The following C12orf42 variants were observed in gnomAD, a reference collection of about 807,000 sequenced individuals.
The protein encoded by C12orf42 is uncharacterized protein C12orf42.
C12orf42 carries 25 observed loss-of-function variants against 21.6 expected under a neutral mutation model. That is an observed-to-expected ratio of 1.16 (90% CI 0.84 to 1.62). The LOEUF (loss-of-function observed/expected upper bound fraction) is 1.62. C12orf42 is among the 40% of genes most tolerant of loss of function. The probability of loss-of-function intolerance (pLI) is 0.00; values close to 1 mark genes in which losing one functional copy is unlikely to be tolerated. For missense variants in C12orf42, 483 were observed against 459.3 expected, an observed-to-expected ratio of 1.05 and a Z score of -0.47; for synonymous variants, 174 against 175.0, an observed-to-expected ratio of 0.99 and a Z score of 0.05.
chr12:103,317,160 T>C (rs1256622045), intron 4 of C12orf42, among the ~76,000 whole-genome samples: 2 of 152,218 alleles, frequency 1.3e-5, no homozygotes, highest in Non-Finnish European at 2.9e-5. Context: ...ATATCTGCCA[T>C]GGATGTGGGA....
intron 4 of C12orf42, among the ~76,000 whole-genome samples, chr12:103,358,184 T>C (rs188967918): frequency 2.0e-3 from 301 of 152,254 alleles, no homozygotes; most frequent in Non-Finnish European, 3.6e-3. Context: ...GTAATATGTT[T>C]TAATGTTTCA....
intron 2 of C12orf42, among the ~76,000 whole-genome samples, chr12:103,426,286 A>T (rs1346232016): frequency 6.6e-6 from 1 of 152,264 alleles, no homozygotes; most frequent in Non-Finnish European, 1.5e-5. Flanking sequence ...CAGAGCTGAA[A>T]AACACAGCAC....
chr12:103,121,384 G>A, the C12orf42 span, among the ~76,000 whole-genome samples: 6 of 152,160 alleles, frequency 3.9e-5, no homozygotes, highest in Non-Finnish European at 1.5e-5. Context: ...CTTTCCTTGG[G>A]GCTTTGGAGT....
At chr12:103,149,933 G>T in the C12orf42 span, among the ~76,000 whole-genome samples, 1 of 151,846 alleles carries the variant, frequency 6.6e-6, no homozygotes. Flanking sequence ...AGTAAGTCTG[G>T]GAATGTTATA....
chr12:103,224,624 A>G, the C12orf42 span, among the ~76,000 whole-genome samples: 1 of 152,234 alleles, frequency 6.6e-6, no homozygotes, highest in Non-Finnish European at 1.5e-5. Context: ...AGTACAGCTG[A>G]AGGAGCCGGG....
intron 4 of C12orf42, among the ~76,000 whole-genome samples, chr12:103,366,734 A>C (rs907611994): frequency 3.3e-5 from 5 of 152,130 alleles, no homozygotes; most frequent in Non-Finnish European, 5.9e-5. Flanking sequence ...TAATCAGGGA[A>C]ATCCAAATCA....
the C12orf42 span, among the ~76,000 whole-genome samples, chr12:103,167,681 T>C: frequency 6.6e-6 from 1 of 152,192 alleles, no homozygotes; most frequent in Non-Finnish European, 1.5e-5. Context: ...ACATTTCATT[T>C]CAATAAGCAT....
chr12:103,447,494 G>C (rs1951654812), intron 2 of C12orf42, among the ~76,000 whole-genome samples: 1 of 152,004 alleles, frequency 6.6e-6, no homozygotes, highest in African/African-American at 2.4e-5. Flanking sequence ...TAAAAAGGAA[G>C]TCAAACTGTC....
the C12orf42 span, among the ~76,000 whole-genome samples, chr12:103,100,967 T>C: frequency 6.6e-6 from 1 of 152,184 alleles, no homozygotes; most frequent in Non-Finnish European, 1.5e-5. Context: ...TGGGATGTGG[T>C]AGTGAGGTGG....
chr12:103,489,365 G>T (rs1390788025), intron 1 of C12orf42, among the ~76,000 whole-genome samples: 1 of 152,160 alleles, frequency 6.6e-6, no homozygotes, highest in Non-Finnish European at 1.5e-5. Context: ...GTGACTGTCA[G>T]CCCCTAATGG....
intron 4 of C12orf42, among the ~76,000 whole-genome samples, chr12:103,357,000 CATGG>C (rs1473063190): frequency 6.6e-6 from 1 of 151,826 alleles, no homozygotes; most frequent in Non-Finnish European, 1.5e-5. Context: ...TTTGTAGGGA[CATGG>C]ATGAAATTGG....
At chr12:103,501,026 A>G in the C12orf42 span, among the ~76,000 whole-genome samples, 1 of 152,244 alleles carries the variant, frequency 6.6e-6, no homozygotes, top group Non-Finnish European at 1.5e-5. Context: ...CAGCTATTCC[A>G]AAGTTGGCTT....
chr12:103,264,626 A>G (rs1412577824), downstream of C12orf42, among the ~76,000 whole-genome samples: 1 of 152,162 alleles, frequency 6.6e-6, no homozygotes, highest in African/African-American at 2.4e-5. Flanking sequence ...CCATTCAACA[A>G]ATAATAAGTT....
At chr12:103,360,240 A>G (rs1452944920) in intron 4 of C12orf42, among the ~76,000 whole-genome samples, 1 of 151,408 alleles carries the variant, frequency 6.6e-6, no homozygotes, top group East Asian at 2.0e-4. Context: ...CAACCTAGCT[A>G]TGGCTCTTCT....
the C12orf42 span, among the ~76,000 whole-genome samples, chr12:103,072,986 A>G: frequency 6.6e-6 from 1 of 152,188 alleles, no homozygotes; most frequent in Admixed American, 6.5e-5. Flanking sequence ...ATCATGAAAT[A>G]CTATCTAGCC....
At chr12:103,152,070 G>C in the C12orf42 span, among the ~76,000 whole-genome samples, 2 of 152,266 alleles carry the variant, frequency 1.3e-5, no homozygotes, top group African/African-American at 4.8e-5. Context: ...AAAGTTTAGA[G>C]AAAACCCCAG....
chr12:103,145,968 G>T, the C12orf42 span, among the ~76,000 whole-genome samples: 1 of 151,896 alleles, frequency 6.6e-6, no homozygotes, highest in Middle Eastern at 3.4e-3. Flanking sequence ...GAGAGAGAGA[G>T]AAAGAGAGAA....
the C12orf42 span, among the ~76,000 whole-genome samples, chr12:103,050,154 C>A: frequency 1.3e-5 from 2 of 151,988 alleles, no homozygotes; most frequent in African/African-American, 4.8e-5. Context: ...CAATGACTAC[C>A]ACAAGTTTAG....
intron 4 of C12orf42, among the ~76,000 whole-genome samples, chr12:103,360,547 T>C (rs2044003435): frequency 6.6e-6 from 1 of 152,120 alleles, no homozygotes; most frequent in African/African-American, 2.4e-5. Flanking sequence ...CTCAAAGTTA[T>C]ACCCATAATC....
Sources: gnomAD v4.1 joint callset for allele counts (sites outside exome capture counted in the v4.1 genomes callset) on GRCh38, gnomAD v4.1.1 for gene constraint, MANE v1.5 for transcripts, NCBI Gene and HGNC (gene_info 2026-07-23, HGNC 2026-07-21) for gene names.